Variants in VTI1A observed in about 807,000 individuals in gnomAD.
VTI1A encodes the protein vesicle transport through interaction with t-SNAREs homolog 1A.
Under a neutral mutation model 34.9 loss-of-function variants are expected in VTI1A, and 22 were observed. The observed-to-expected ratio is 0.63, with a 90% confidence interval of 0.45 to 0.90. The LOEUF (loss-of-function observed/expected upper bound fraction) is 0.90. VTI1A is among the 40% of genes least tolerant of loss of function. VTI1A has a pLI of 0.00. For missense variants in VTI1A, 268 were observed against 275.6 expected (o/e 0.97, Z 0.20); for synonymous variants, 87 against 97.3 (o/e 0.89, Z 0.62).
At chr10:112,478,890 C>G (rs149996366) in intron 3 of VTI1A, among the ~76,000 whole-genome samples, 88 of 152,178 alleles carry the variant, frequency 5.8e-4, no homozygotes, top group African/African-American at 2.0e-3. Context: ...CACTATTGGC[C>G]GGGCGCGGTG....
At chr10:112,833,445 G>T in the VTI1A span, among the ~76,000 whole-genome samples, 1 of 151,908 alleles carries the variant, frequency 6.6e-6, no homozygotes, top group Non-Finnish European at 1.5e-5. Context: ...GGAGTGAATC[G>T]GAGACTAGGG....
chr10:112,620,864 C>T (rs1845709182), intron 5 of VTI1A, among the ~76,000 whole-genome samples: 1 of 151,692 alleles, frequency 6.6e-6, no homozygotes, highest in Admixed American at 6.6e-5. Context: ...TTCAGAGATA[C>T]TTAGCAAAAG....
Position 112,792,527 on chromosome 10 carries a change from AC to A in VTI1A, c.561-22759del, listed in dbSNP as rs560520877. Among the ~76,000 whole-genome samples the A allele has an allele frequency of 4.6e-5, 7 of 151,918 alleles. No homozygotes were observed. The South Asian group carries it at 1.0e-3, about 23-fold the overall frequency. ...GCTGCTATTGTTTGTTGACATAATC[AC>A]CCCTACACACACACCTAGGGCACGT... On this transcript the variant is annotated intron_variant, in intron 7 of 7. Coordinates refer to ENST00000393077, the MANE Select transcript of VTI1A (RefSeq NM_145206.4).
intron 5 of VTI1A, among the ~76,000 whole-genome samples, chr10:112,569,281 A>G (rs530278889): frequency 3.3e-4 from 50 of 152,326 alleles, no homozygotes; most frequent in Middle Eastern, 3.4e-3. Flanking sequence ...ATCCAGGCAT[A>G]CACTTCATTT....
intron 5 of VTI1A, among the ~76,000 whole-genome samples, chr10:112,640,427 C>G (rs139623969): frequency 6.6e-6 from 1 of 152,138 alleles, no homozygotes; most frequent in South Asian, 2.1e-4. Flanking sequence ...CTTGCCTCCT[C>G]TCCCACTCCT....
intron 7 of VTI1A, among the ~76,000 whole-genome samples, chr10:112,743,422 C>T (rs1003974734): frequency 1.3e-5 from 2 of 152,204 alleles, no homozygotes; most frequent in South Asian, 4.1e-4. Context: ...TTGCCTTCCA[C>T]TTTGTGGCTG....
At chr10:112,562,264 T>G (rs1044164176) in intron 5 of VTI1A, among the ~76,000 whole-genome samples, 1 of 152,176 alleles carries the variant, frequency 6.6e-6, no homozygotes, top group Non-Finnish European at 1.5e-5. Context: ...ACAGTCTATA[T>G]TTTTTCATAT....
chr10:112,668,148 A>G (rs1445806631), intron 5 of VTI1A, 70 bp from the exon 6 acceptor site: 2 of 1,265,908 alleles, frequency 1.6e-6, no homozygotes, highest in African/African-American at 1.5e-5. Flanking sequence ...ATGCCATTTT[A>G]GTATTTCTGA....
chr10:112,744,227 G>A (rs1850802979), intron 7 of VTI1A, among the ~76,000 whole-genome samples: 1 of 152,120 alleles, frequency 6.6e-6, no homozygotes, highest in African/African-American at 2.4e-5. Context: ...TAAGCTATTA[G>A]CTTAGCCTCA....
At chr10:112,637,219 T>C (rs150440618) in intron 5 of VTI1A, among the ~76,000 whole-genome samples, 53 of 152,322 alleles carry the variant, frequency 3.5e-4, no homozygotes, top group African/African-American at 1.2e-3. Context: ...CAGTTTACTT[T>C]TATGATGTTT....
intron 5 of VTI1A, among the ~76,000 whole-genome samples, chr10:112,596,508 G>C (rs4141742): frequency 0.83 from 126,125 of 152,108 alleles, 53,017 homozygotes; most frequent in African/African-American, 0.94. Context: ...AGTAGGGATA[G>C]TTATTCATAG....
intron 5 of VTI1A, among the ~76,000 whole-genome samples, chr10:112,596,823 C>T (rs1410904942): frequency 2.6e-5 from 4 of 151,986 alleles, no homozygotes; most frequent in African/African-American, 9.7e-5. Context: ...GTTTATGTTT[C>T]TCTTCCTTAT....
chr10:112,723,480 C>T (rs1020832405), intron 7 of VTI1A, among the ~76,000 whole-genome samples: 2 of 152,160 alleles, frequency 1.3e-5, no homozygotes, highest in African/African-American at 4.8e-5. Context: ...CATAGCTCTG[C>T]AAGGTGGGGG....
intron 4 of VTI1A, 99 bp from the exon 5 acceptor site, chr10:112,538,147 C>A (rs1850717868): frequency 3.1e-6 from 3 of 973,496 alleles, no homozygotes; most frequent in Admixed American, 2.3e-5. Flanking sequence ...AACCCCCCCA[C>A]CCCATGTTAG....
chr10:112,830,351 C>T, the VTI1A span, among the ~76,000 whole-genome samples: 1 of 151,300 alleles, frequency 6.6e-6, no homozygotes, highest in African/African-American at 2.4e-5. Flanking sequence ...CTCCTTTCTC[C>T]CTCCAACACT....
chr10:112,587,771 A>C (rs1394348882), intron 5 of VTI1A, among the ~76,000 whole-genome samples: 2 of 152,108 alleles, frequency 1.3e-5, no homozygotes, highest in Non-Finnish European at 2.9e-5. Context: ...GATTTTCATA[A>C]AGGTTTTTTC....
At chr10:112,479,472 C>T (rs1357805859) in intron 3 of VTI1A, among the ~76,000 whole-genome samples, 1 of 152,198 alleles carries the variant, frequency 6.6e-6, no homozygotes, top group South Asian at 2.1e-4. Context: ...ATGCACTTGT[C>T]TTAAGATTCC....
rs1039574502 is a variant in VTI1A at position 112,561,756 on chromosome 10, GA to G, written c.427+23433del. The stretch of plus-strand genomic sequence containing the variant: ...TAGATCATGCTTACAGTCAGCACTT[GA>G]AAAAAACATTCTGGAAAAAAGTCTT... On this transcript the variant is annotated intron_variant, in intron 5 of 7. Coordinates refer to ENST00000393077, the MANE Select transcript of VTI1A (RefSeq NM_145206.4). Among the ~76,000 whole-genome samples the G allele has an allele frequency of 1.4e-4, 22 of 152,034 alleles. No individual in the cohort carries two copies. The East Asian group carries it at 3.9e-3, about 27-fold the overall frequency.
At chr10:112,721,473 T>C (rs1041912675) in intron 7 of VTI1A, among the ~76,000 whole-genome samples, 5 of 152,224 alleles carry the variant, frequency 3.3e-5, no homozygotes, top group African/African-American at 1.2e-4. Flanking sequence ...GCATTTGACT[T>C]ACACTTTTAA....
Sources: gnomAD v4.1 joint callset for allele counts (sites outside exome capture counted in the v4.1 genomes callset) on GRCh38, gnomAD v4.1.1 for gene constraint, MANE v1.5 for transcripts, NCBI Gene and HGNC (gene_info 2026-07-23, HGNC 2026-07-21) for gene names.